The following PDE4B variants were observed in gnomAD, a reference collection of about 807,000 sequenced individuals.
The protein encoded by PDE4B is 3',5'-cyclic-AMP phosphodiesterase 4B.
In PDE4B, 20 loss-of-function variants were observed where a neutral mutation model predicts 82.2. The observed-to-expected ratio is 0.24, with a 90% CI of 0.17 to 0.35. The LOEUF (loss-of-function observed/expected upper bound fraction) is 0.35, where lower values mean the gene tolerates loss of function less well. Ranked by LOEUF, PDE4B falls within the 10% of genes least tolerant of loss-of-function variation. PDE4B has a pLI of 1.00. For missense variants in PDE4B, 655 were observed against 907.2 expected, an observed-to-expected ratio of 0.72 and a Z score of 3.57; for synonymous variants, 320 against 318.9, an observed-to-expected ratio of 1.00 and a Z score of -0.04.
At chr1:66,037,711 G>T (rs1654142669) in intron 3 of PDE4B, among the ~76,000 whole-genome samples, 1 of 152,076 alleles carries the variant, frequency 6.6e-6, no homozygotes, top group African/African-American at 2.4e-5. Context: ...TAAAGGAAAA[G>T]TCTTCAGCTT....
At chr1:65,941,718 A>G (rs955038408) in intron 3 of PDE4B, among the ~76,000 whole-genome samples, 6 of 152,098 alleles carry the variant, frequency 3.9e-5, no homozygotes, top group Admixed American at 6.6e-5. Context: ...AAATGACAAC[A>G]TGTGCATTAC....
Position 66,372,896 on chromosome 1 carries a change from G to C in PDE4B, c.*218G>C, listed in dbSNP as rs2102080199. On this transcript the variant is annotated 3_prime_UTR_variant, in exon 17 of 17. Transcript: ENST00000341517. ...CTTGATGGCAAGCTTGGTGGAGAGG[G>C]CTGAAGCTGTTGCTGGGGGCCGATT... 1 of 527,508 alleles carries C rather than the reference G, an allele frequency of 1.9e-6. No individual in the cohort carries two copies. Among genetic ancestry groups the C allele is most frequent in the Non-Finnish European group, 3.4e-6 (1 of 295,576 alleles). The allele number at this position is 527,508 out of a possible 1,614,324, so 32.7% of individuals were successfully genotyped here. A position where few individuals can be genotyped will look rare whatever the true frequency, so the allele number is the denominator to read the frequency against.
intron 2 of PDE4B, among the ~76,000 whole-genome samples, chr1:65,918,020 C>A (rs936189536): frequency 6.6e-6 from 1 of 152,040 alleles, no homozygotes; most frequent in Admixed American, 6.6e-5. Context: ...AAAAATTAGC[C>A]GGGCGTTGTG....
At chr1:66,047,685 A>G (rs1654790838) in intron 3 of PDE4B, among the ~76,000 whole-genome samples, 1 of 151,962 alleles carries the variant, frequency 6.6e-6, no homozygotes, top group Non-Finnish European at 1.5e-5. Context: ...GTCTCTGAAG[A>G]TGATGGGGCA....
At chr1:66,128,046 G>A (rs1468878965) in intron 3 of PDE4B, among the ~76,000 whole-genome samples, 1 of 152,150 alleles carries the variant, frequency 6.6e-6, no homozygotes, top group Non-Finnish European at 1.5e-5. Context: ...ACTGATGTAA[G>A]TGGGTTTTAT....
At chr1:66,255,491 G>A (rs1254770847) in intron 4 of PDE4B, among the ~76,000 whole-genome samples, 1 of 152,182 alleles carries the variant, frequency 6.6e-6, no homozygotes, top group African/African-American at 2.4e-5. Context: ...CTCTACAAAT[G>A]TCTATAGCTA....
intron 3 of PDE4B, among the ~76,000 whole-genome samples, chr1:66,031,738 A>T (rs1653787741): frequency 6.6e-6 from 1 of 152,246 alleles, no homozygotes; most frequent in Admixed American, 6.5e-5. Context: ...ATGGAAAAAT[A>T]ATCAAGTTTT....
chr1:66,296,519 C>T (rs1657525010), intron 7 of PDE4B, among the ~76,000 whole-genome samples: 1 of 152,164 alleles, frequency 6.6e-6, no homozygotes, highest in African/African-American at 2.4e-5. Context: ...TCTGGCTCAT[C>T]AGTTACTAGC....
chr1:65,798,360 G>A lies in PDE4B; in HGVS notation c.-71+5112G>A, dbSNP rs538221307. Among the ~76,000 whole-genome samples the A allele has an allele frequency of 3.7e-5, 3 of 81,890 alleles. 1 individual carries two copies. Among genetic ancestry groups the A allele is most frequent in the South Asian group, 4.5e-4 (1 of 2,206 alleles). 53.7% of individuals were successfully genotyped at this position (81,890 alleles called of 152,430 possible). On this transcript the variant is annotated intron_variant, in intron 1 of 16. Transcript: ENST00000341517. ...TGCAAGCTCCGCTTCCCGGGTTCAC[G>A]CCATTCTCCTGCCTCAGCCTCCCGA...
intron 3 of PDE4B, among the ~76,000 whole-genome samples, chr1:65,937,812 T>A (rs529972167): frequency 7.2e-5 from 11 of 152,156 alleles, no homozygotes; most frequent in Non-Finnish European, 1.3e-4. Context: ...AAGTGCAGGT[T>A]TTATATAAAA....
chr1:66,146,626 GCA>G (rs1288304263), intron 3 of PDE4B, among the ~76,000 whole-genome samples: 2 of 152,088 alleles, frequency 1.3e-5, no homozygotes, highest in Non-Finnish European at 2.9e-5. Flanking sequence ...AATAAAAAAT[GCA>G]CAGAGTCAGA....
intron 3 of PDE4B, among the ~76,000 whole-genome samples, chr1:65,994,038 G>A (rs1046003749): frequency 1.3e-5 from 2 of 152,088 alleles, no homozygotes; most frequent in African/African-American, 4.8e-5. Flanking sequence ...TAAAAATTGA[G>A]TAGCTGTACC....
At chr1:65,881,271 C>G (rs867186715) in intron 1 of PDE4B, among the ~76,000 whole-genome samples, 1 of 152,142 alleles carries the variant, frequency 6.6e-6, no homozygotes, top group Admixed American at 6.6e-5. Context: ...AGTCATTTTC[C>G]CTCACCAAAG....
chr1:66,099,330 G>C (rs1645176704), intron 3 of PDE4B, among the ~76,000 whole-genome samples: 1 of 152,036 alleles, frequency 6.6e-6, no homozygotes, highest in South Asian at 2.1e-4. Context: ...AGTACTCCAT[G>C]GTGTATATGT....
At chr1:65,963,420 A>T (rs1451915237) in intron 3 of PDE4B, among the ~76,000 whole-genome samples, 1 of 152,190 alleles carries the variant, frequency 6.6e-6, no homozygotes, top group Non-Finnish European at 1.5e-5. Context: ...CTACTGCATT[A>T]ATGCTTGAGG....
intron 3 of PDE4B, among the ~76,000 whole-genome samples, chr1:65,924,922 AG>A: frequency 6.6e-6 from 1 of 152,358 alleles, no homozygotes; most frequent in East Asian, 1.9e-4. Flanking sequence ...TTTACAACTT[AG>A]TCTTAGAAGT....
At chr1:66,031,262 T>C (rs1159979468) in intron 3 of PDE4B, among the ~76,000 whole-genome samples, 1 of 152,236 alleles carries the variant, frequency 6.6e-6, no homozygotes, top group Non-Finnish European at 1.5e-5. Context: ...CCTTTCTCTG[T>C]GGATTAATAA....
chr1:66,312,919 A>C (rs1393519323), intron 7 of PDE4B, among the ~76,000 whole-genome samples: 1 of 152,206 alleles, frequency 6.6e-6, no homozygotes, highest in Non-Finnish European at 1.5e-5. Flanking sequence ...GCTCTGTAGC[A>C]CTTTCTGTGT....
At chr1:65,972,101 A>G (rs1650170306) in intron 3 of PDE4B, among the ~76,000 whole-genome samples, 1 of 152,148 alleles carries the variant, frequency 6.6e-6, no homozygotes, top group African/African-American at 2.4e-5. Context: ...ATGACTGTGC[A>G]TTTATTGGAT....
Sources: gnomAD v4.1 joint callset for allele counts (sites outside exome capture counted in the v4.1 genomes callset) on GRCh38, gnomAD v4.1.1 for gene constraint, MANE v1.5 for transcripts, NCBI Gene and HGNC (gene_info 2026-07-23, HGNC 2026-07-21) for gene names.